The following DOCK8 variants were observed in gnomAD, a reference collection of about 807,000 sequenced individuals.
The protein encoded by DOCK8 is dedicator of cytokinesis protein 8.
DOCK8 carries 141 observed loss-of-function variants against 245.6 expected under a neutral mutation model. That is an observed-to-expected ratio of 0.57 (90% CI 0.50 to 0.66). The LOEUF is 0.66. Among genes scored for constraint, DOCK8 ranks in the 30% least tolerant of loss-of-function variants. The probability of loss-of-function intolerance (pLI) is 0.00; values close to 1 mark genes in which losing one functional copy is unlikely to be tolerated. For synonymous variants in DOCK8, 1,168 were observed against 970.2 expected (o/e 1.20, Z -3.79); for missense variants, 2,965 against 2,603.4 (o/e 1.14, Z -3.02).
At chr9:400,406 T>C (rs868513607) in intron 26 of DOCK8, among the ~76,000 whole-genome samples, 36 of 10,092 alleles carry the variant, frequency 3.6e-3, no homozygotes, top group South Asian at 4.3e-3. Context: ...ACCTCCACCA[T>C]CACCACCACC....
chr9:283,636 C>T (rs1340961419), intron 2 of DOCK8, among the ~76,000 whole-genome samples: 4 of 152,146 alleles, frequency 2.6e-5, no homozygotes, highest in Non-Finnish European at 4.4e-5. Context: ...TAAATGAAAA[C>T]ATGTGATATC....
chr9:263,007 G>T (rs1339446466), intron 1 of DOCK8, among the ~76,000 whole-genome samples: 1 of 152,188 alleles, frequency 6.6e-6, no homozygotes, highest in Non-Finnish European at 1.5e-5. Flanking sequence ...AGGAGTTGAA[G>T]ACCAGCCTAG....
chr9:364,703 A>C (rs976969060), intron 14 of DOCK8, among the ~76,000 whole-genome samples: 5 of 151,984 alleles, frequency 3.3e-5, no homozygotes, highest in African/African-American at 1.2e-4. Flanking sequence ...AAATGTGTTA[A>C]AGTCTTAACG....
At chr9:462,537 AG>A (rs2057838245) in intron 46 of DOCK8, among the ~76,000 whole-genome samples, 1 of 152,232 alleles carries the variant, frequency 6.6e-6, no homozygotes, top group African/African-American at 2.4e-5. Context: ...GCCCTGGCCA[AG>A]GCCACATCAC....
intron 29 of DOCK8, among the ~76,000 whole-genome samples, chr9:415,677 C>T (rs1290569770): frequency 3.3e-5 from 5 of 149,976 alleles, no homozygotes; most frequent in South Asian, 2.1e-4. Context: ...TGTGTGTGCA[C>T]GTGTGTGCGC....
chr9:429,577 A>T lies in DOCK8; in HGVS notation c.4474-125A>T, dbSNP rs10974393. On this transcript the variant is annotated intron_variant, in intron 35 of 47. Transcript: ENST00000432829. ...CTGATTCACATAGCTCATTATCTTTATGGAATAATGCATTAACTCTTCTAG... is the reference window on the plus strand; with the variant it reads ...CTGATTCACATAGCTCATTATCTTTTTGGAATAATGCATTAACTCTTCTAG... 6.8e-5 allele frequency: 76 copies of T among 1,112,966 alleles called. 1 individual carries two copies. The South Asian group carries it at 8.8e-4, about 13-fold the overall frequency. 68.9% of individuals were successfully genotyped at this position (1,112,966 alleles called of 1,614,324 possible).
intron 43 of DOCK8, among the ~76,000 whole-genome samples, chr9:444,460 A>AT (rs2057190259): frequency 6.6e-6 from 1 of 152,150 alleles, no homozygotes; most frequent in Non-Finnish European, 1.5e-5. Context: ...GAGTATTATG[A>AT]TAAAGGGTGA....
rs192093564 is a variant in DOCK8 at position 323,691 on chromosome 9, A to G, written c.828-1980A>G. ...TCTCCCTACTCCCCAGCCCCTGGCA[A>G]CTCCCATTCTACTTTCTGCCTCTAT... On this transcript the variant is annotated intron_variant, in intron 7 of 47. Coordinates refer to ENST00000432829, the MANE Select transcript of DOCK8 (RefSeq NM_203447.4). Among the ~76,000 whole-genome samples, 29 of 152,082 alleles carry G rather than the reference A, an allele frequency of 1.9e-4. No homozygotes were observed. The East Asian group carries it at 5.2e-3, about 27-fold the overall frequency.
chr9:328,627 C>T (rs7870898), intron 9 of DOCK8, among the ~76,000 whole-genome samples: 97,054 of 152,006 alleles, frequency 0.64, 31,125 homozygotes, highest in South Asian at 0.74. Context: ...AGTTTCCTAA[C>T]GATGTTCATG....
At chr9:332,966 A>G (rs2051095335) in intron 10 of DOCK8, among the ~76,000 whole-genome samples, 1 of 151,906 alleles carries the variant, frequency 6.6e-6, no homozygotes, top group Non-Finnish European at 1.5e-5. Context: ...CCTGATGATG[A>G]TTTTTTAGAG....
chr9:258,561 A>G (rs519402), intron 1 of DOCK8, among the ~76,000 whole-genome samples: 72,127 of 148,854 alleles, frequency 0.48, 17,887 homozygotes, highest in East Asian at 0.8. Flanking sequence ...TAGAAACAAC[A>G]TGGTAATGAT....
intron 33 of DOCK8, among the ~76,000 whole-genome samples, chr9:425,759 A>C (rs1025943193): frequency 3.9e-5 from 5 of 127,952 alleles, no homozygotes; most frequent in African/African-American, 1.5e-4. Flanking sequence ...CCTGTCTCTA[A>C]GGAAAAAAAA....
chr9:403,052 G>A (rs761143943), intron 26 of DOCK8, among the ~76,000 whole-genome samples: 3 of 151,992 alleles, frequency 2.0e-5, no homozygotes, highest in East Asian at 1.9e-4. Context: ...ACCACTCCCC[G>A]CTAATTTTTG....
At position 434,668 on chromosome 9, in the gene DOCK8, G is replaced by C. The variant is rs1315386371; in HGVS notation, c.4887-115G>C. The C allele has an allele frequency of 3.8e-6, 4 of 1,043,462 alleles. No homozygotes were observed. The African/African-American group carries it at 6.3e-5, about 16-fold the overall frequency. The allele number at this position is 1,043,462 out of a possible 1,614,324, so 64.6% of individuals were successfully genotyped here. A position where few individuals can be genotyped will look rare whatever the true frequency, so the allele number is the denominator to read the frequency against. ...CTGGAAATATAGGGCAAAATCTCAG[G>C]TGGAGGGGTACAGGGAACTCTTGGG... On this transcript the variant is annotated intron_variant, in intron 38 of 47. Transcript: ENST00000432829.
chr9:359,548 C>CATAA (rs1263144311), intron 14 of DOCK8, among the ~76,000 whole-genome samples: 1 of 152,156 alleles, frequency 6.6e-6, no homozygotes, highest in Non-Finnish European at 1.5e-5. Flanking sequence ...GTTTTCCTTG[C>CATAA]ATAAGTACCT....
chr9:308,643 C>G (rs964812782), intron 5 of DOCK8, among the ~76,000 whole-genome samples: 1 of 152,080 alleles, frequency 6.6e-6, no homozygotes, highest in African/African-American at 2.4e-5. Context: ...GATTATCTTT[C>G]TCTTCCAATT....
At chr9:340,967 T>C (rs1255403187) in intron 14 of DOCK8, among the ~76,000 whole-genome samples, 1 of 152,188 alleles carries the variant, frequency 6.6e-6, no homozygotes, top group Non-Finnish European at 1.5e-5. Flanking sequence ...GTGACCAAAA[T>C]GTGCTAGTTG....
At chr9:229,144 A>G (rs2047050655) in intron 1 of DOCK8, among the ~76,000 whole-genome samples, 1 of 152,166 alleles carries the variant, frequency 6.6e-6, no homozygotes, top group Non-Finnish European at 1.5e-5. Flanking sequence ...AATAGAATCA[A>G]CCTATTGAAA....
Position 371,607 on chromosome 9 carries a change from G to A in DOCK8, c.2007+41G>A, listed in dbSNP as rs1403287656. 3.7e-6 allele frequency: 6 copies of A among 1,613,428 alleles called. No individual in the cohort carries two copies. In the Admixed American group the frequency reaches 6.7e-5, roughly 18 times the overall value. ...CCTGCTGACTCACACTGCAGTTGTT[G>A]GTGCATCTGAGGTCCCTGCAGAGAT... is the stretch of plus-strand genomic sequence containing the variant. On this transcript the variant is annotated intron_variant, in intron 17 of 47. Coordinates refer to ENST00000432829, the MANE Select transcript of DOCK8 (RefSeq NM_203447.4).
Sources: allele counts gnomAD v4.1 joint callset (sites outside exome capture counted in the v4.1 genomes callset), GRCh38; gene constraint gnomAD v4.1.1; transcripts MANE v1.5; gene names NCBI Gene and HGNC (gene_info 2026-07-23, HGNC 2026-07-21).